The following ZBTB20 variants were observed in gnomAD, a reference collection of about 807,000 sequenced individuals.
The protein encoded by ZBTB20 is zinc finger and BTB domain containing 20.
A neutral mutation model predicts 56.9 loss-of-function variants in ZBTB20; 9 were observed. That is an observed-to-expected ratio of 0.16 (90% CI 0.10 to 0.28). The LOEUF (loss-of-function observed/expected upper bound fraction) is 0.28. Ranked by LOEUF, ZBTB20 falls within the 10% of genes least tolerant of loss-of-function variation. The probability of loss-of-function intolerance (pLI) is 1.00; values close to 1 mark genes in which losing one functional copy is unlikely to be tolerated. For missense variants in ZBTB20, 655 were observed against 1,003.0 expected (o/e 0.65, Z 4.69); for synonymous variants, 417 against 420.7 (o/e 0.99, Z 0.11).
At position 114,319,292 on chromosome 3, in the gene ZBTB20, G is replaced by GA. The variant is rs1172226552; in HGVS notation, c.*19712dup. On this transcript the variant is annotated 3_prime_UTR_variant, in exon 12 of 12. Transcript: ENST00000675478. ...AAAAGATTCTTCACAAAAAAATGTAGAAAAAATTCCAACAATTTTTTTCCT... is the reference window on the plus strand; with the variant it reads ...AAAAGATTCTTCACAAAAAAATGTAGAAAAAAATTCCAACAATTTTTTTCCT... The GA allele has an allele frequency of 1.3e-5, 2 of 151,012 alleles. No individual in the cohort carries two copies. The highest frequency in any genetic ancestry group is 2.4e-5 in the African/African-American group (1 of 41,002). The allele number at this position is 151,012 out of a possible 1,614,324, so 9.4% of individuals were successfully genotyped here.
chr3:114,926,191 T>A (rs919841261), intron 3 of ZBTB20, among the ~76,000 whole-genome samples: 1 of 152,200 alleles, frequency 6.6e-6, no homozygotes, highest in African/African-American at 2.4e-5. Flanking sequence ...CTCTTGGAGT[T>A]AAATTGTCCC....
rs2079578882 is a variant in ZBTB20, at chr3:114,339,166, C to G, written c.2065G>C (p.Gly689Arg). ...GGGGGTGTGCCTGCAGGGGGGGTCC[C>G]ATTGCTGGCACTGTGCAGGGCCACG... is the stretch of plus-strand genomic sequence containing the variant. ...RHVALHSASN[G>R]TPPAGTPPGA... Residue 689 changes from glycine to arginine, a missense_variant, in exon 12 of 12, where the codon GGG becomes CGG. Physicochemically the swap from Gly to Arg is moderately radical, Grantham distance 125. This residue lies in a region of ZBTB20 where 89 missense variants were observed against 79.7 expected (regional missense o/e 1.12). Transcript: ENST00000675478. This position sits in a 1 kb window ranked among gnomAD's most constrained non-coding sequence, Gnocchi z 4.2. 3 of 1,614,018 alleles carry G rather than the reference C, an allele frequency of 1.9e-6. No individual in the cohort carries two copies. Among genetic ancestry groups the G allele is most frequent in the Admixed American group, 3.3e-5 (2 of 60,000 alleles).
intron 8 of ZBTB20, among the ~76,000 whole-genome samples, chr3:114,382,971 T>C (rs2084570926): frequency 6.6e-6 from 1 of 152,214 alleles, no homozygotes; most frequent in Non-Finnish European, 1.5e-5. Context: ...TATTAAGCAA[T>C]GTAGCTTAGA....
intron 8 of ZBTB20, among the ~76,000 whole-genome samples, chr3:114,383,258 G>A (rs2084617361): frequency 6.6e-6 from 1 of 152,174 alleles, no homozygotes; most frequent in Admixed American, 6.5e-5. Context: ...GCAGAAAAAA[G>A]TGTTTATTTT....
At chr3:114,756,298 C>T (rs796490582) in intron 5 of ZBTB20, among the ~76,000 whole-genome samples, 1 of 152,236 alleles carries the variant, frequency 6.6e-6, no homozygotes, top group South Asian at 2.1e-4. Flanking sequence ...CACTTGACTG[C>T]AGCACTTCCA....
intron 2 of ZBTB20, among the ~76,000 whole-genome samples, chr3:115,070,100 C>T (rs953726809): frequency 1.3e-5 from 2 of 152,034 alleles, no homozygotes; most frequent in Non-Finnish European, 1.5e-5. Context: ...CCTATGATTT[C>T]CTGTTTTGGT....
At chr3:115,010,777 T>C (rs2079668406) in intron 2 of ZBTB20, among the ~76,000 whole-genome samples, 1 of 152,036 alleles carries the variant, frequency 6.6e-6, no homozygotes, top group East Asian at 2.0e-4. Flanking sequence ...GGAAATGACA[T>C]GACATCCCCG....
chr3:114,402,528 T>C (rs2086912679), intron 7 of ZBTB20, among the ~76,000 whole-genome samples: 1 of 152,144 alleles, frequency 6.6e-6, no homozygotes, highest in Admixed American at 6.6e-5. Flanking sequence ...TGGACATGGC[T>C]TCTAAAGGGG....
intron 6 of ZBTB20, among the ~76,000 whole-genome samples, chr3:114,506,059 C>T (rs2044572199): frequency 6.6e-6 from 1 of 152,058 alleles, no homozygotes; most frequent in Non-Finnish European, 1.5e-5. Context: ...TCCTGCAGGA[C>T]AGATTCTTGA....
intron 7 of ZBTB20, among the ~76,000 whole-genome samples, chr3:114,477,274 C>G (rs375992935): frequency 1.4e-4 from 22 of 152,228 alleles, no homozygotes; most frequent in African/African-American, 5.1e-4. Flanking sequence ...GAAGCATTTT[C>G]TATGTGGTTG....
chr3:115,136,687 T>C (rs577830747), intron 1 of ZBTB20, among the ~76,000 whole-genome samples: 23 of 152,234 alleles, frequency 1.5e-4, no homozygotes, highest in South Asian at 1.2e-3. Context: ...TTTTTGGCTC[T>C]TATACACTTT....
At chr3:114,485,170 T>C (rs1047500474) in intron 7 of ZBTB20, among the ~76,000 whole-genome samples, 1 of 152,172 alleles carries the variant, frequency 6.6e-6, no homozygotes, top group African/African-American at 2.4e-5. Flanking sequence ...TCCCATGAAA[T>C]AATCCAACTG....
At chr3:115,125,034 A>T (rs77892088) in intron 1 of ZBTB20, among the ~76,000 whole-genome samples, 5,391 of 147,164 alleles carry the variant, frequency 0.037, 111 homozygotes, top group African/African-American at 0.058. Flanking sequence ...AGTTTTTTTT[A>T]AAAAAAAAAG....
chr3:114,552,727 G>A (rs2050728173), intron 6 of ZBTB20, among the ~76,000 whole-genome samples: 1 of 151,998 alleles, frequency 6.6e-6, no homozygotes, highest in African/African-American at 2.4e-5. Flanking sequence ...GTTTGTTGTT[G>A]TTAAAAAAAT....
At position 114,465,863 on chromosome 3, in the gene ZBTB20, A is replaced by G. The variant is rs111800123; in HGVS notation, c.-255+34489T>C. 8.4e-3 allele frequency among the ~76,000 whole-genome samples: 1,286 copies of G among 152,260 alleles called. 18 individuals are homozygous for G. Among genetic ancestry groups the G allele is most frequent in the African/African-American group, 0.027 (1,103 of 41,542 alleles). ...ATTCCCTGTGGCAGAGCTGAGCTTT[A>G]CCTCAGGTCTGTGTGACAGAGTCTC... On this transcript the variant is annotated intron_variant, in intron 7 of 11. Transcript: ENST00000675478.
intron 6 of ZBTB20, chr3:114,687,243 T>C (rs1209108287): frequency 6.6e-6 from 1 of 151,510 alleles, no homozygotes; most frequent in African/African-American, 2.4e-5. Flanking sequence ...CAAGTTTTTG[T>C]TAAACTTAAT....
At chr3:114,736,995 A>C (rs1255919471) in intron 5 of ZBTB20, among the ~76,000 whole-genome samples, 2 of 152,182 alleles carry the variant, frequency 1.3e-5, no homozygotes, top group Non-Finnish European at 2.9e-5. Flanking sequence ...TTATTGTATA[A>C]CCTGCACTGA....
At position 114,330,181 on chromosome 3, in the gene ZBTB20, T is replaced by A. The variant is rs1188559635; in HGVS notation, c.*8824A>T. ...TTCACTTTCCTACATTTGCTAAGTC[T>A]GAGCTTTAAAAAATTCTAAAATCCT... On this transcript the variant is annotated 3_prime_UTR_variant, in exon 12 of 12. Coordinates refer to ENST00000675478, the MANE Select transcript of ZBTB20 (RefSeq NM_001348800.3). 1 of 152,242 alleles carries A rather than the reference T, an allele frequency of 6.6e-6. No homozygotes were observed. The highest frequency in any genetic ancestry group is 2.1e-4 in the South Asian group (1 of 4,834). 9.4% of individuals were successfully genotyped at this position (152,242 alleles called of 1,614,324 possible).
intron 4 of ZBTB20, among the ~76,000 whole-genome samples, chr3:114,841,812 T>C (rs1350440008): frequency 1.3e-5 from 2 of 152,100 alleles, no homozygotes; most frequent in African/African-American, 2.4e-5. Context: ...TGGAGAAATA[T>C]GTGGTGGTCA....
Sources: allele counts gnomAD v4.1 joint callset (sites outside exome capture counted in the v4.1 genomes callset), GRCh38; gene constraint gnomAD v4.1.1; regional missense constraint gnomAD v4.1.1; non-coding constraint Gnocchi (gnomAD v3.1); transcripts MANE v1.5; gene names NCBI Gene and HGNC (gene_info 2026-07-23, HGNC 2026-07-21).